NDRG3: variants seen among roughly 807,000 people sequenced by gnomAD.
The protein encoded by NDRG3 is NDRG family member 3, also known as protein NDRG3.
A neutral mutation model predicts 57.2 loss-of-function variants in NDRG3; 23 were observed. That is an observed-to-expected ratio of 0.40 (90% CI 0.29 to 0.57). NDRG3 has a LOEUF of 0.57. NDRG3 is among the 20% of genes least tolerant of loss of function. The pLI, the probability that NDRG3 is intolerant of heterozygous loss-of-function variation, is 0.42. For synonymous variants in NDRG3, 132 were observed against 162.6 expected, an observed-to-expected ratio of 0.81 and a Z score of 1.43; for missense variants, 384 against 457.3, an observed-to-expected ratio of 0.84 and a Z score of 1.46.
intron 12 of NDRG3, among the ~76,000 whole-genome samples, 182 bp from the exon 13 acceptor site, chr20:36,660,566 T>G (rs1191670159): frequency 6.6e-6 from 1 of 150,544 alleles, no homozygotes; most frequent in Non-Finnish European, 1.5e-5. Flanking sequence ...ATTTATTTAT[T>G]TATTTTTTTT....
chr20:36,709,787 T>C (rs1420639703), intron 2 of NDRG3, among the ~76,000 whole-genome samples: 1 of 152,214 alleles, frequency 6.6e-6, no homozygotes, highest in East Asian at 1.9e-4. Context: ...AACTTGTACC[T>C]TCCTCCAAAT....
At chr20:36,728,889 G>A (rs1409832491) in intron 1 of NDRG3, among the ~76,000 whole-genome samples, 1 of 151,918 alleles carries the variant, frequency 6.6e-6, no homozygotes, top group Non-Finnish European at 1.5e-5. Flanking sequence ...GCCCAGCTAA[G>A]TTTTGTATTT....
At chr20:36,662,973 G>A (rs1045495520) in intron 12 of NDRG3, among the ~76,000 whole-genome samples, 7 of 152,132 alleles carry the variant, frequency 4.6e-5, no homozygotes, top group African/African-American at 1.7e-4. Context: ...GCATTGTAAG[G>A]AAATTCTGAT....
intron 2 of NDRG3, among the ~76,000 whole-genome samples, chr20:36,713,281 A>T (rs973682994): frequency 3.3e-5 from 5 of 152,238 alleles, no homozygotes; most frequent in Admixed American, 1.3e-4. Flanking sequence ...GCCAGCTAAG[A>T]GGAATGTTTT....
chr20:36,659,789 C>T (rs1354476679), intron 13 of NDRG3, among the ~76,000 whole-genome samples: 3 of 151,614 alleles, frequency 2.0e-5, no homozygotes, highest in East Asian at 2.0e-4. Flanking sequence ...TTAGTAGAGA[C>T]GGGGTTTCAC....
intron 2 of NDRG3, among the ~76,000 whole-genome samples, chr20:36,715,046 ATATATATATT>A (rs1448830786): frequency 1.8e-5 from 2 of 111,880 alleles, no homozygotes; most frequent in African/African-American, 4.0e-5. Flanking sequence ...ATATATATAT[ATATATATATT>A]ATATTTAAGT....
chr20:36,659,143 G>C (rs535644344), intron 13 of NDRG3, among the ~76,000 whole-genome samples: 1 of 152,076 alleles, frequency 6.6e-6, no homozygotes, highest in Non-Finnish European at 1.5e-5. Context: ...TAGAGACAGA[G>C]TCTCACTATG....
Position 36,666,531 on chromosome 20 carries a change from T to G in NDRG3, c.589-139A>C, listed in dbSNP as rs919476083. On this transcript the variant is annotated intron_variant, in intron 9 of 15. Coordinates refer to ENST00000349004, the MANE Select transcript of NDRG3 (RefSeq NM_032013.4). Reference sequence around the variant, plus strand: ...TGGGGCAGAGCCTGGGGACTACTGATGTACTGGTAGGCTGAATGACTGATT... The same window carrying G: ...TGGGGCAGAGCCTGGGGACTACTGAGGTACTGGTAGGCTGAATGACTGATT... The G allele has an allele frequency of 4.6e-6, 3 of 645,680 alleles. No individual in the cohort carries two copies. The African/African-American group carries it at 5.4e-5, about 12-fold the overall frequency. 40.0% of individuals were successfully genotyped at this position (645,680 alleles called of 1,614,324 possible).
At chr20:36,697,962 TC>T (rs370712692) in intron 3 of NDRG3, among the ~76,000 whole-genome samples, 7 of 150,424 alleles carry the variant, frequency 4.7e-5, no homozygotes, top group African/African-American at 1.7e-4. Flanking sequence ...TTTTCTTTTT[TC>T]TTTTTTTTTT....
chr20:36,680,956 T>C, intron 7 of NDRG3, 54 bp from the exon 8 acceptor site: 2 of 1,433,454 alleles, frequency 1.4e-6, no homozygotes, highest in South Asian at 2.3e-5. Context: ...ACAGTTCTTC[T>C]AAACAGTTGG....
Position 36,656,489 on chromosome 20 carries a change from C to A in NDRG3, c.894+8G>T. 1.9e-6 allele frequency: 3 copies of A among 1,614,174 alleles called. No individual in the cohort carries two copies. The highest frequency in any genetic ancestry group is 2.2e-5 in the East Asian group (1 of 44,890). ...ATTAAATGGGTGTTTAAAAAAAATT[C>A]TCCTTACCTGAACTACCTGGGGCAG... On this transcript the variant is annotated splice_region_variant and intron_variant, in intron 14 of 15. Coordinates refer to ENST00000349004, the MANE Select transcript of NDRG3 (RefSeq NM_032013.4).
At chr20:36,711,429 T>A (rs1201415402) in intron 2 of NDRG3, among the ~76,000 whole-genome samples, 1 of 152,158 alleles carries the variant, frequency 6.6e-6, no homozygotes, top group Non-Finnish European at 1.5e-5. Flanking sequence ...CCTTTAGGGA[T>A]TATTTTAAGA....
chr20:36,656,187 A>G (rs1978650741), intron 15 of NDRG3, among the ~76,000 whole-genome samples, 173 bp downstream of exon 15: 1 of 151,780 alleles, frequency 6.6e-6, no homozygotes, highest in Admixed American at 6.6e-5. Flanking sequence ...GTAAGTGCTG[A>G]GTGTTAGCTT....
intron 6 of NDRG3, among the ~76,000 whole-genome samples, chr20:36,683,690 G>A (rs1023179660): frequency 1.4e-5 from 2 of 143,898 alleles, no homozygotes; most frequent in Non-Finnish European, 3.0e-5. Context: ...ACACATATAT[G>A]TACACACACA....
chr20:36,745,582 G>T (rs1986147481), intron 1 of NDRG3, among the ~76,000 whole-genome samples: 1 of 152,196 alleles, frequency 6.6e-6, no homozygotes, highest in African/African-American at 2.4e-5. Flanking sequence ...CCCGTTAGAG[G>T]ATGCCCTCTG....
chr20:36,693,125 T>C (rs867307214), intron 3 of NDRG3, among the ~76,000 whole-genome samples: 1 of 62,136 alleles, frequency 1.6e-5, no homozygotes, highest in African/African-American at 6.9e-5. Flanking sequence ...TATATATATA[T>C]ATATATATAT....
chr20:36,665,929 A>G (rs1979592392), intron 10 of NDRG3, among the ~76,000 whole-genome samples: 1 of 152,204 alleles, frequency 6.6e-6, no homozygotes, highest in Non-Finnish European at 1.5e-5. Context: ...AAATTCCTTA[A>G]GAGAATGACT....
At chr20:36,714,709 G>T (rs1417173378) in intron 2 of NDRG3, among the ~76,000 whole-genome samples, 3 of 151,300 alleles carry the variant, frequency 2.0e-5, no homozygotes, top group African/African-American at 7.3e-5. Context: ...CACCTCCCAG[G>T]TTCACGCCAT....
chr20:36,709,955 A>C (rs2148174963), intron 2 of NDRG3, among the ~76,000 whole-genome samples: 1 of 152,332 alleles, frequency 6.6e-6, no homozygotes, highest in South Asian at 2.1e-4. Flanking sequence ...ATGGTTAGTA[A>C]GAGGGAAAAG....
Sources: allele counts gnomAD v4.1 joint callset (sites outside exome capture counted in the v4.1 genomes callset), GRCh38; gene constraint gnomAD v4.1.1; transcripts MANE v1.5; gene names NCBI Gene and HGNC (gene_info 2026-07-23, HGNC 2026-07-21).